The following CDKL3 variants were observed in gnomAD, a reference collection of about 807,000 sequenced individuals.
CDKL3 encodes the protein cyclin-dependent kinase-like 3.
Under a neutral mutation model 69.3 loss-of-function variants are expected in CDKL3, and 65 were observed. That is an observed-to-expected ratio of 0.94 (90% CI 0.77 to 1.15). The LOEUF (loss-of-function observed/expected upper bound fraction) is 1.15. CDKL3 is among the 50% of genes most tolerant of loss of function. The pLI, the probability that CDKL3 is intolerant of heterozygous loss-of-function variation, is 0.00. For synonymous variants in CDKL3, 202 were observed against 221.6 expected (o/e 0.91, Z 0.79); for missense variants, 652 against 689.2 (o/e 0.95, Z 0.61).
chr5:134,336,945 T>C (rs1345252926), intron 4 of CDKL3, among the ~76,000 whole-genome samples: 2 of 152,214 alleles, frequency 1.3e-5, no homozygotes, highest in Non-Finnish European at 2.9e-5. Context: ...AGGTGGAATC[T>C]AGAGAGGCAG....
Position 134,308,304 on chromosome 5 carries a change from GT to G in CDKL3, c.1197del (p.Lys399AsnfsTer3). 1 of 1,613,932 alleles carries G rather than the reference GT, an allele frequency of 6.2e-7. No individual in the cohort carries two copies. The highest frequency in any genetic ancestry group is 1.1e-5 in the South Asian group (1 of 91,080). ...GGGTTTGGTGGTTCAATGGTTACAA[GT>G]TTTGTATCTGGAGACATAGGATGAA... ...ENVHPMSPDT[K>X]LVTIEPPNPI... On this transcript the variant is annotated frameshift_variant, in exon 9 of 13. Transcript: ENST00000265334. LOFTEE classifies it high-confidence loss of function.
At chr5:134,331,412 C>T (rs1214752825) in intron 4 of CDKL3, among the ~76,000 whole-genome samples, 1 of 152,040 alleles carries the variant, frequency 6.6e-6, no homozygotes, top group East Asian at 1.9e-4. Flanking sequence ...CCCATCAACT[C>T]GTCATTTACA....
At chr5:134,344,860 G>A (rs190134626) in intron 4 of CDKL3, among the ~76,000 whole-genome samples, 7 of 152,154 alleles carry the variant, frequency 4.6e-5, no homozygotes, top group East Asian at 1.9e-4. Flanking sequence ...TCAGGAGTTC[G>A]AGACCAGCCT....
chr5:134,359,553 G>A (rs1358844051), intron 3 of CDKL3, among the ~76,000 whole-genome samples: 4 of 151,608 alleles, frequency 2.6e-5, no homozygotes, highest in African/African-American at 7.3e-5. Flanking sequence ...CCCTTTATAT[G>A]AGCAACTCTC....
chr5:134,342,829 C>G (rs1041020222), intron 4 of CDKL3, among the ~76,000 whole-genome samples: 2 of 152,048 alleles, frequency 1.3e-5, no homozygotes, highest in Non-Finnish European at 2.9e-5. Flanking sequence ...CCTAGAATAG[C>G]CAAAACAATC....
chr5:134,292,914 T>A (rs1024048691), intron 8 of CDKL3, among the ~76,000 whole-genome samples: 2 of 149,474 alleles, frequency 1.3e-5, no homozygotes, highest in Non-Finnish European at 1.5e-5. Context: ...TGAATATCTC[T>A]ATTAAATAAA....
chr5:134,295,628 T>TCAAG (rs1200876947), downstream of CDKL3, among the ~76,000 whole-genome samples: 5 of 152,222 alleles, frequency 3.3e-5, no homozygotes, highest in Non-Finnish European at 5.9e-5. Flanking sequence ...TCAATTCTAA[T>TCAAG]CAAGCTTTTT....
chr5:134,370,508 T>C (rs1171173717), upstream of CDKL3, among the ~76,000 whole-genome samples: 2 of 152,182 alleles, frequency 1.3e-5, no homozygotes, highest in Non-Finnish European at 2.9e-5. Context: ...CAACCACTCA[T>C]TGATATGCTT....
intron 4 of CDKL3, among the ~76,000 whole-genome samples, chr5:134,330,297 T>C (rs1454758608): frequency 1.3e-5 from 2 of 152,308 alleles, no homozygotes; most frequent in African/African-American, 4.8e-5. Context: ...AGATGCCTAA[T>C]AATTTCCCAC....
chr5:134,359,798 A>C, intron 3 of CDKL3, 99 bp downstream of exon 3: 1 of 830,082 alleles, frequency 1.2e-6, no homozygotes, highest in Non-Finnish European at 1.9e-6. Flanking sequence ...TATTGTATAG[A>C]AAAAGAATGT....
chr5:134,359,913 T>A lies in CDKL3; in HGVS notation c.344A>T (p.Tyr115Phe). ...YLFQILRAID[Y>F]LHSNNIIHRD... ...AGCACTTACATTATTACTGTGAAGATAGTCAATTGCTCGAAGGATCTGGAA... is the reference window on the plus strand; with the variant it reads ...AGCACTTACATTATTACTGTGAAGAAAGTCAATTGCTCGAAGGATCTGGAA... Residue 115 changes from tyrosine to phenylalanine, a missense_variant, in exon 3 of 13, where the codon TAT becomes TTT. Coordinates refer to ENST00000265334, the MANE Select transcript of CDKL3 (RefSeq NM_001113575.2). The A allele has an allele frequency of 6.3e-7, 1 of 1,582,888 alleles. No individual in the cohort carries two copies. The highest frequency in any genetic ancestry group is 8.6e-7 in the Non-Finnish European group (1 of 1,163,944).
At chr5:134,312,176 T>C in intron 7 of CDKL3, 116 bp downstream of exon 7, 3 of 662,126 alleles carry the variant, frequency 4.5e-6, no homozygotes, top group Non-Finnish European at 8.0e-6. Flanking sequence ...CTCAATAAAT[T>C]TTTGTTAAAC....
At chr5:134,352,127 A>C (rs1440485293) in intron 3 of CDKL3, among the ~76,000 whole-genome samples, 1 of 152,144 alleles carries the variant, frequency 6.6e-6, no homozygotes, top group East Asian at 1.9e-4. Context: ...GTATGTAAGT[A>C]AGATCATGCG....
intron 10 of CDKL3, 111 bp from the exon 11 acceptor site, chr5:134,304,678 T>A (rs936647493): frequency 2.7e-6 from 2 of 732,720 alleles, no homozygotes; most frequent in Non-Finnish European, 4.1e-6. Flanking sequence ...AACAATTAAT[T>A]TAATAATTAA....
intron 4 of CDKL3, among the ~76,000 whole-genome samples, chr5:134,347,798 T>G (rs1274439195): frequency 6.6e-6 from 1 of 151,906 alleles, no homozygotes; most frequent in Non-Finnish European, 1.5e-5. Flanking sequence ...TAATTCTACT[T>G]ATATGAAATG....
intron 2 of CDKL3, among the ~76,000 whole-genome samples, chr5:134,362,713 G>T (rs560926422): frequency 2.0e-5 from 3 of 152,186 alleles, no homozygotes; most frequent in African/African-American, 7.2e-5. Flanking sequence ...CAGATCACAT[G>T]AAGCCAGGAG....
chr5:134,288,964 C>T (rs1490125882), intron 8 of CDKL3, among the ~76,000 whole-genome samples: 1 of 148,212 alleles, frequency 6.7e-6, no homozygotes, highest in Middle Eastern at 3.5e-3. Context: ...TTTTAAAGAA[C>T]CAGCCTGGCC....
At chr5:134,318,943 C>T (rs1226454926) in intron 6 of CDKL3, 1 of 152,498 alleles carries the variant, frequency 6.6e-6, no homozygotes, top group African/African-American at 2.4e-5. Context: ...TTTAGGAATC[C>T]TTTTGGAATT....
At chr5:134,348,008 T>C (rs1017576909) in intron 4 of CDKL3, among the ~76,000 whole-genome samples, 1 of 152,156 alleles carries the variant, frequency 6.6e-6, no homozygotes, top group Non-Finnish European at 1.5e-5. Flanking sequence ...TTTAAATAGG[T>C]GACTTGTAAG....
Sources: gnomAD v4.1 joint callset for allele counts (sites outside exome capture counted in the v4.1 genomes callset) on GRCh38, gnomAD v4.1.1 for gene constraint, MANE v1.5 for transcripts, NCBI Gene and HGNC (gene_info 2026-07-23, HGNC 2026-07-21) for gene names.